C8orf34: variants seen among roughly 807,000 people sequenced by gnomAD.
C8orf34 encodes the protein uncharacterized protein C8orf34.
C8orf34 carries 65 observed loss-of-function variants against 68.3 expected under a neutral mutation model. That is an observed-to-expected ratio of 0.95 (90% CI 0.78 to 1.17). C8orf34 has a LOEUF of 1.17. C8orf34 is among the 50% of genes most tolerant of loss of function. C8orf34 has a pLI of 0.00. For synonymous variants in C8orf34, 244 were observed against 241.2 expected, an observed-to-expected ratio of 1.01 and a Z score of -0.11; for missense variants, 664 against 655.4, an observed-to-expected ratio of 1.01 and a Z score of -0.14.
At chr8:68,797,693 G>A (rs2129529419) in intron 12 of C8orf34, among the ~76,000 whole-genome samples, 1 of 152,292 alleles carries the variant, frequency 6.6e-6, no homozygotes, top group South Asian at 2.1e-4. Flanking sequence ...GGTACTAACA[G>A]ATTGATCTAG....
At chr8:68,598,661 T>A (rs1817614782) in intron 7 of C8orf34, among the ~76,000 whole-genome samples, 1 of 152,182 alleles carries the variant, frequency 6.6e-6, no homozygotes, top group Non-Finnish European at 1.5e-5. Context: ...AATTTTCATT[T>A]GTAAGATCTT....
intron 12 of C8orf34, among the ~76,000 whole-genome samples, chr8:68,796,591 C>A (rs544612470): frequency 3.9e-4 from 59 of 152,142 alleles, no homozygotes; most frequent in African/African-American, 1.3e-3. Context: ...ATTGATATAA[C>A]AACAGCTTTT....
chr8:68,818,299 C>T lies in C8orf34; in HGVS notation c.*53C>T, dbSNP rs1246136649. 1.9e-6 allele frequency: 3 copies of T among 1,568,020 alleles called. No homozygotes were observed. The highest frequency in any genetic ancestry group is 1.7e-5 in the Admixed American group (1 of 59,302). ...CTTAAAGAAATGCAGTTATTCAAAT[C>T]CTTATGTATAGTTCTAATTTTATTT... On this transcript the variant is annotated 3_prime_UTR_variant, in exon 14 of 14. Transcript: ENST00000518698.
intron 8 of C8orf34, among the ~76,000 whole-genome samples, chr8:68,708,592 C>A (rs1377278891): frequency 1.3e-5 from 2 of 152,162 alleles, no homozygotes; most frequent in East Asian, 3.9e-4. Flanking sequence ...GCTTGATAAA[C>A]CTCAGTGGAA....
intron 1 of C8orf34, among the ~76,000 whole-genome samples, chr8:68,370,377 T>C (rs1807506528): frequency 6.6e-6 from 1 of 152,192 alleles, no homozygotes; most frequent in Non-Finnish European, 1.5e-5. Flanking sequence ...ACCTGGACTT[T>C]GCTTCTCTGG....
chr8:68,333,619 A>G (rs1484661284), intron 1 of C8orf34, among the ~76,000 whole-genome samples: 1 of 152,206 alleles, frequency 6.6e-6, no homozygotes, highest in Non-Finnish European at 1.5e-5. Context: ...TGAAATGGAC[A>G]TTGTTGACCT....
chr8:68,452,610 G>A (rs536741583), intron 3 of C8orf34, among the ~76,000 whole-genome samples: 1 of 149,730 alleles, frequency 6.7e-6, no homozygotes, highest in African/African-American at 2.5e-5. Context: ...TTTTTAAGGG[G>A]GTTGTTACTC....
At chr8:68,394,087 ATT>A (rs34903076) in intron 1 of C8orf34, among the ~76,000 whole-genome samples, 13 of 150,700 alleles carry the variant, frequency 8.6e-5, no homozygotes, top group South Asian at 2.1e-4. Context: ...TAGGCATGCC[ATT>A]TTTTTTTTAT....
chr8:68,666,973 A>G (rs944781551), intron 8 of C8orf34, among the ~76,000 whole-genome samples: 1 of 152,138 alleles, frequency 6.6e-6, no homozygotes, highest in African/African-American at 2.4e-5. Flanking sequence ...ACACACTGCT[A>G]TTTTTTAGAG....
rs569386829 is a variant in C8orf34, at chr8:68,551,527, C to G, written c.1105+18378C>G. Among the ~76,000 whole-genome samples the G allele has an allele frequency of 2.0e-4, 30 of 152,052 alleles. No individual in the cohort carries two copies. In the Middle Eastern group the frequency reaches 0.014, roughly 69 times the overall value. The stretch of plus-strand genomic sequence containing the variant: ...TCTGAATCTGGTTACTTCTTGTTTC[C>G]TCTCTCTTCAGGCTATAGGAGGTTT... On this transcript the variant is annotated intron_variant, in intron 7 of 13. Coordinates refer to ENST00000518698, the MANE Select transcript of C8orf34 (RefSeq NM_052958.4).
intron 1 of C8orf34, among the ~76,000 whole-genome samples, chr8:68,377,688 G>A (rs28501395): frequency 6.5e-4 from 99 of 151,982 alleles, no homozygotes; most frequent in African/African-American, 2.3e-3. Flanking sequence ...TTCAAGGTTT[G>A]GCAATCTCAT....
intron 8 of C8orf34, among the ~76,000 whole-genome samples, chr8:68,660,188 G>T (rs1016042561): frequency 1.3e-5 from 2 of 152,106 alleles, no homozygotes; most frequent in Non-Finnish European, 2.9e-5. Flanking sequence ...TTCCCTCAAA[G>T]GAATCCCAGT....
At chr8:68,395,012 A>G (rs1287779920) in intron 1 of C8orf34, among the ~76,000 whole-genome samples, 2 of 152,092 alleles carry the variant, frequency 1.3e-5, no homozygotes, top group Non-Finnish European at 2.9e-5. Context: ...TAAGCAGTTT[A>G]TTTTGGCAGC....
chr8:68,734,018 A>T (rs139526430), intron 10 of C8orf34, among the ~76,000 whole-genome samples: 1,575 of 152,070 alleles, frequency 0.01, 30 homozygotes, highest in African/African-American at 0.036. Flanking sequence ...AGTTTCACTA[A>T]TTTTTTTTAT....
At chr8:68,647,797 A>C (rs2130765692) in intron 8 of C8orf34, among the ~76,000 whole-genome samples, 1 of 152,338 alleles carries the variant, frequency 6.6e-6, no homozygotes, top group South Asian at 2.1e-4. Flanking sequence ...AAAATGCAAA[A>C]TAGCTTGTGT....
intron 1 of C8orf34, among the ~76,000 whole-genome samples, chr8:68,390,732 T>G (rs1002047212): frequency 6.6e-6 from 1 of 152,094 alleles, no homozygotes; most frequent in African/African-American, 2.4e-5. Context: ...GAAGGTTACC[T>G]TTGAGGGTAG....
chr8:68,544,544 C>T (rs1480165040), intron 7 of C8orf34, among the ~76,000 whole-genome samples: 1 of 152,060 alleles, frequency 6.6e-6, no homozygotes, highest in Non-Finnish European at 1.5e-5. Context: ...TAAAAAGAAT[C>T]AACAGAAAGT....
rs59098392 is a variant in C8orf34, at chr8:68,398,024, C to A, written c.328-41475C>A. Among the ~76,000 whole-genome samples, 810 of 152,246 alleles carry A rather than the reference C, an allele frequency of 5.3e-3. 26 individuals are homozygous for A. The East Asian group carries it at 0.091, about 17-fold the overall frequency. ...CCTTAAGAGATCCACCTGCCTTGGG[C>A]TCCCAAAGTGCTGAGATTACAAGCG... On this transcript the variant is annotated intron_variant, in intron 1 of 13. Transcript: ENST00000518698.
At chr8:68,748,021 C>G (rs1302010830) in intron 10 of C8orf34, among the ~76,000 whole-genome samples, 5 of 151,180 alleles carry the variant, frequency 3.3e-5, no homozygotes, top group Non-Finnish European at 5.9e-5. Flanking sequence ...CAGCATGGTA[C>G]TGGTACCAAA....
Sources: allele counts gnomAD v4.1 joint callset (sites outside exome capture counted in the v4.1 genomes callset), GRCh38; gene constraint gnomAD v4.1.1; transcripts MANE v1.5; gene names NCBI Gene and HGNC (gene_info 2026-07-23, HGNC 2026-07-21).